UGT1A4: variants seen among roughly 807,000 people sequenced by gnomAD.
UGT1A4 encodes the protein UDP glucuronosyltransferase family 1 member A4, also known as UDP-glucuronosyltransferase 1A4.
Under a neutral mutation model 41.1 loss-of-function variants are expected in UGT1A4, and 32 were observed. The observed-to-expected ratio is 0.78, with a 90% confidence interval of 0.59 to 1.05. The LOEUF (loss-of-function observed/expected upper bound fraction) is 1.05, where lower values mean the gene tolerates loss of function less well. Ranked by LOEUF, UGT1A4 falls within the 50% of genes least tolerant of loss-of-function variation. The pLI is 0.00. For synonymous variants in UGT1A4, 283 were observed against 265.1 expected (o/e 1.07, Z -0.66); for missense variants, 748 against 677.4 (o/e 1.10, Z -1.16).
rs764952775 is a variant in UGT1A4 at position 233,762,693 on chromosome 2, ATCTTT to A, written c.868-4336_868-4332del. Reference sequence around the variant, plus strand: ...CATTTGTTCTGTTTCTTTCTCATTCATCTTTTCTTAAGTATTTTACACGGTTTTTT... The same window carrying A: ...CATTTGTTCTGTTTCTTTCTCATTCATCTTAAGTATTTTACACGGTTTTTT... On this transcript the variant is annotated intron_variant, in intron 1 of 4. Coordinates refer to ENST00000373409, the MANE Select transcript of UGT1A4 (RefSeq NM_007120.3). Among the ~76,000 whole-genome samples, 18 of 148,206 alleles carry A rather than the reference ATCTTT, an allele frequency of 1.2e-4. No homozygotes were observed. In the East Asian group the frequency reaches 2.7e-3, roughly 23 times the overall value.
chr2:233,768,814 C>T (rs1699733347), intron 4 of UGT1A4, among the ~76,000 whole-genome samples: 1 of 152,052 alleles, frequency 6.6e-6, no homozygotes, highest in African/African-American at 2.4e-5. Context: ...GAACTCCTGA[C>T]TTCAGGTGAT....
intron 4 of UGT1A4, chr2:233,771,736 GTCTT>G (rs1408768214): frequency 2.0e-5 from 3 of 152,960 alleles, no homozygotes; most frequent in Non-Finnish European, 4.4e-5. Flanking sequence ...TATAATTTTG[GTCTT>G]TCTTTTTCTC....
chr2:233,735,768 A>T (rs1170033276), intron 1 of UGT1A4, among the ~76,000 whole-genome samples: 1 of 152,144 alleles, frequency 6.6e-6, no homozygotes, highest in Non-Finnish European at 1.5e-5. Flanking sequence ...TTCACTTATG[A>T]AGCTTACTTT....
At chr2:233,742,318 C>T (rs4663966) in intron 1 of UGT1A4, among the ~76,000 whole-genome samples, 10,868 of 151,974 alleles carry the variant, frequency 0.072, 603 homozygotes, top group East Asian at 0.2. Flanking sequence ...GTATTCCTTA[C>T]GGGAAACAAA....
chr2:233,745,241 G>A (rs1693049313), intron 1 of UGT1A4, among the ~76,000 whole-genome samples: 1 of 151,840 alleles, frequency 6.6e-6, no homozygotes, highest in African/African-American at 2.4e-5. Flanking sequence ...ACTATTTACT[G>A]TATCGAAACC....
intron 1 of UGT1A4, among the ~76,000 whole-genome samples, chr2:233,757,535 AATATATATATATATAT>A (rs67292694): frequency 2.3e-5 from 2 of 88,312 alleles, no homozygotes; most frequent in Non-Finnish European, 4.4e-5. Context: ...GCCTGTAAGG[AATATATATATATATAT>A]ATATATATAT....
intron 1 of UGT1A4, among the ~76,000 whole-genome samples, chr2:233,724,753 G>A (rs1402032405): frequency 3.5e-5 from 5 of 143,708 alleles, no homozygotes; most frequent in African/African-American, 1.1e-4. Context: ...CATCCCAGAC[G>A]ATGGGCGGCC....
intron 1 of UGT1A4, chr2:233,743,649 C>A (rs754713764): frequency 5.1e-6 from 7 of 1,367,168 alleles, no homozygotes; most frequent in Admixed American, 1.9e-5. Context: ...AAGCTGAAGA[C>A]GTACTCGAAG....
chr2:233,754,383 A>G (rs1695465574), intron 1 of UGT1A4: 2 of 292,680 alleles, frequency 6.8e-6, no homozygotes, highest in South Asian at 6.9e-5. Flanking sequence ...AAAGACAAAC[A>G]GAGGTCCTAT....
chr2:233,719,681 A>G lies in UGT1A4; in HGVS notation c.861A>G (p.Leu287=), dbSNP rs1559365276. The G allele has an allele frequency of 6.2e-6, 10 of 1,614,106 alleles. No homozygotes were observed. Among genetic ancestry groups the G allele is most frequent in the Non-Finnish European group, 8.5e-6 (10 of 1,179,934 alleles). The change falls in exon 1 of 5, where the codon CTA becomes CTG. Residue 287 remains leucine (L), a synonymous_variant. Coordinates refer to ENST00000373409, the MANE Select transcript of UGT1A4 (RefSeq NM_007120.3). ...GGINCANGKP[L]SQEFEAYINA... ...TCAACTGTGCCAACGGGAAGCCACT[A>G]TCTCAGGTCTGTATTGGTGCCTTCA...
At chr2:233,733,568 T>G (rs1265676895) in intron 1 of UGT1A4, among the ~76,000 whole-genome samples, 1 of 152,248 alleles carries the variant, frequency 6.6e-6, no homozygotes, top group Non-Finnish European at 1.5e-5. Flanking sequence ...GAAATAATCA[T>G]GTGGTTTGTC....
At chr2:233,762,499 T>G (rs1698093030) in intron 1 of UGT1A4, among the ~76,000 whole-genome samples, 1 of 152,234 alleles carries the variant, frequency 6.6e-6, no homozygotes, top group African/African-American at 2.4e-5. Context: ...GCTATTACTT[T>G]TTAAACTATG....
intron 1 of UGT1A4, among the ~76,000 whole-genome samples, chr2:233,749,606 T>A (rs1054542224): frequency 2.6e-5 from 4 of 151,906 alleles, no homozygotes; most frequent in Admixed American, 2.6e-4. Context: ...CACACTAGAT[T>A]TATCATGATT....
chr2:233,719,608 T>C lies in UGT1A4; in HGVS notation c.788T>C (p.Met263Thr). ...TGGCTGTTCCGAGGGGACTTTGTGATGGACTACCCCAGGCCGATCATGCCC... is the reference window on the plus strand; with the variant it reads ...TGGCTGTTCCGAGGGGACTTTGTGACGGACTACCCCAGGCCGATCATGCCC... ...SVWLFRGDFVMDYPRPIMPNM... is the reference protein window; with the variant it reads ...SVWLFRGDFVTDYPRPIMPNM... The change falls in exon 1 of 5, where the codon ATG becomes ACG. Residue 263 changes from methionine to threonine, a missense_variant. Met to Thr is a moderately conservative substitution (Grantham distance 81). Transcript: ENST00000373409. 6.2e-7 allele frequency: 1 copy of C among 1,614,074 alleles called. No homozygotes were observed. The highest frequency in any genetic ancestry group is 8.5e-7 in the Non-Finnish European group (1 of 1,179,954).
intron 1 of UGT1A4, chr2:233,741,975 C>T (rs1043950383): frequency 3.3e-5 from 5 of 151,844 alleles, no homozygotes; most frequent in African/African-American, 4.9e-5. Flanking sequence ...TTTATGGTGC[C>T]TCACCCAAAA....
chr2:233,731,901 A>G (rs1358657529), intron 1 of UGT1A4, among the ~76,000 whole-genome samples: 15 of 152,182 alleles, frequency 9.9e-5, no homozygotes, highest in Non-Finnish European at 1.9e-4. Flanking sequence ...ACTCCCACCA[A>G]TGGTGTAAAA....
At chr2:233,737,925 G>A (rs1188589801) in intron 1 of UGT1A4, among the ~76,000 whole-genome samples, 1 of 152,078 alleles carries the variant, frequency 6.6e-6, no homozygotes, top group African/African-American at 2.4e-5. Context: ...AGTGTATTTA[G>A]TAGTGAGTCC....
At chr2:233,721,999 A>G (rs1463858336) in intron 1 of UGT1A4, 3 of 263,690 alleles carry the variant, frequency 1.1e-5, no homozygotes, top group African/African-American at 6.7e-5. Flanking sequence ...AATGTCCTTT[A>G]AGTGAACAGG....
rs1382357882 is a variant in UGT1A4 at position 233,718,844 on chromosome 2, C to G, written c.24C>G (p.Pro8=). The change falls in exon 1 of 5, where the codon CCC becomes CCG. Residue 8 remains proline, a synonymous_variant. Transcript: ENST00000373409. MARGLQV[P]LPRLATGLLL... is the part of the protein sequence containing the mutation. ...AGATGGCCAGAGGACTCCAGGTTCC[C>G]CTGCCGCGGCTGGCCACAGGACTGC... The G allele has an allele frequency of 6.2e-7, 1 of 1,613,706 alleles. No individual in the cohort carries two copies. Among genetic ancestry groups the G allele is most frequent in the Non-Finnish European group, 8.5e-7 (1 of 1,179,956 alleles).
Sources: gnomAD v4.1 joint callset for allele counts (sites outside exome capture counted in the v4.1 genomes callset) on GRCh38, gnomAD v4.1.1 for gene constraint, MANE v1.5 for transcripts, NCBI Gene and HGNC (gene_info 2026-07-23, HGNC 2026-07-21) for gene names.